ENTREP1: variants seen among roughly 807,000 people sequenced by gnomAD.
ENTREP1 encodes the protein endosomal transmembrane epsin interactor 1, also known as Friedreich ataxia region gene X123.
chr9:69,352,856 C>G, the ENTREP1 span, among the ~76,000 whole-genome samples: 4 of 152,178 alleles, frequency 2.6e-5, no homozygotes, highest in Admixed American at 2.6e-4. Flanking sequence ...GAAGACAAGG[C>G]TGGATGTGGT....
At chr9:69,367,489 A>G in the ENTREP1 span, among the ~76,000 whole-genome samples, 1 of 150,602 alleles carries the variant, frequency 6.6e-6, no homozygotes, top group South Asian at 2.1e-4. Flanking sequence ...ATCCATGAAC[A>G]TGGGATGTAT....
At chr9:69,351,646 A>T in the ENTREP1 span, among the ~76,000 whole-genome samples, 1 of 152,084 alleles carries the variant, frequency 6.6e-6, no homozygotes, top group Non-Finnish European at 1.5e-5. Context: ...CAAACTCCTG[A>T]CCTCAAGTCA....
chr9:69,356,066 C>A, the ENTREP1 span, among the ~76,000 whole-genome samples: 1 of 152,202 alleles, frequency 6.6e-6, no homozygotes, highest in Non-Finnish European at 1.5e-5. Flanking sequence ...TGCTGCACCA[C>A]TGTCCATCTC....
chr9:69,347,684 C>A, the ENTREP1 span, among the ~76,000 whole-genome samples: 1 of 152,130 alleles, frequency 6.6e-6, no homozygotes, highest in East Asian at 1.9e-4. Context: ...ATTGATCAGA[C>A]AAGTCATGGT....
At chr9:69,368,212 A>T in the ENTREP1 span, among the ~76,000 whole-genome samples, 4 of 151,992 alleles carry the variant, frequency 2.6e-5, no homozygotes, top group South Asian at 2.1e-4. Context: ...ATTGCTCTGG[A>T]TAGGACTTCT....
At chr9:69,333,280 A>G in the ENTREP1 span, among the ~76,000 whole-genome samples, 5 of 151,942 alleles carry the variant, frequency 3.3e-5, no homozygotes, top group Middle Eastern at 0.01. Context: ...ATGGGCTTTT[A>G]TGGCTGGGGC....
At chr9:69,324,880 T>C in the ENTREP1 span, 6 of 985,044 alleles carry the variant, frequency 6.1e-6, no homozygotes, top group Non-Finnish European at 7.2e-6. Context: ...ACGCTGAGAC[T>C]CTCGGTGGCC....
At chr9:69,333,047 G>T in the ENTREP1 span, among the ~76,000 whole-genome samples, 2 of 152,152 alleles carry the variant, frequency 1.3e-5, no homozygotes, top group African/African-American at 4.8e-5. Flanking sequence ...AGAGAGAAAA[G>T]GAAGAGGCAG....
chr9:69,383,165 A>T, the ENTREP1 span: 376,768 of 958,198 alleles, frequency 0.39, 76,490 homozygotes, highest in South Asian at 0.42. Flanking sequence ...TTTTTTAAAT[A>T]GAGGTGAAAC....
At chr9:69,366,863 T>C in the ENTREP1 span, among the ~76,000 whole-genome samples, 5 of 152,102 alleles carry the variant, frequency 3.3e-5, no homozygotes, top group South Asian at 2.1e-4. Context: ...TTTGGATTTA[T>C]TTCTGGGTTC....
the ENTREP1 span, among the ~76,000 whole-genome samples, chr9:69,341,110 G>A: frequency 4.6e-5 from 7 of 152,148 alleles, no homozygotes; most frequent in African/African-American, 1.4e-4. Context: ...TTAGTAAGAA[G>A]TGCTACTGTG....
chr9:69,375,993 T>A, the ENTREP1 span: 1 of 929,186 alleles, frequency 1.1e-6, no homozygotes, highest in Non-Finnish European at 1.6e-6. Context: ...CGCATGTGAG[T>A]GACCCCAGAG....
chr9:69,331,614 AGAAT>A, the ENTREP1 span, among the ~76,000 whole-genome samples: 2 of 152,208 alleles, frequency 1.3e-5, no homozygotes, highest in African/African-American at 4.8e-5. Context: ...CTGGATGGAA[AGAAT>A]GCTGATGGAG....
At chr9:69,371,610 G>C in the ENTREP1 span, 1 of 1,597,730 alleles carries the variant, frequency 6.3e-7, no homozygotes. Flanking sequence ...GTGTGATCTG[G>C]TAAGCAGTCC....
the ENTREP1 span, among the ~76,000 whole-genome samples, chr9:69,331,745 T>C: frequency 6.6e-6 from 1 of 152,180 alleles, no homozygotes; most frequent in Non-Finnish European, 1.5e-5. Context: ...CATTCATTCA[T>C]TCACTCATTG....
the ENTREP1 span, among the ~76,000 whole-genome samples, chr9:69,374,708 T>G: frequency 6.6e-6 from 1 of 152,054 alleles, no homozygotes; most frequent in Non-Finnish European, 1.5e-5. Context: ...TATTGAAAGG[T>G]GACAGGGGGA....
chr9:69,352,002 A>C, the ENTREP1 span, among the ~76,000 whole-genome samples: 3 of 152,104 alleles, frequency 2.0e-5, no homozygotes, highest in Non-Finnish European at 4.4e-5. Context: ...TTTCTATTTG[A>C]AGATACATAT....
the ENTREP1 span, among the ~76,000 whole-genome samples, chr9:69,341,365 T>C: frequency 2.3e-4 from 35 of 152,184 alleles, no homozygotes; most frequent in African/African-American, 8.4e-4. Flanking sequence ...TAGACAAGGG[T>C]AAATGTATTG....
the ENTREP1 span, among the ~76,000 whole-genome samples, chr9:69,334,472 A>G: frequency 6.6e-6 from 1 of 152,186 alleles, no homozygotes; most frequent in Non-Finnish European, 1.5e-5. Context: ...TGGGTTTTGA[A>G]TTTGAAGGGA....
Sources: allele counts gnomAD v4.1 joint callset (sites outside exome capture counted in the v4.1 genomes callset), GRCh38; gene constraint gnomAD v4.1.1; transcripts MANE v1.5; gene names NCBI Gene and HGNC (gene_info 2026-07-23, HGNC 2026-07-21).